The following TJAP1 variants were observed in gnomAD, a reference collection of about 807,000 sequenced individuals.
The protein encoded by TJAP1 is tight junction associated protein 1, also known as tight junction-associated protein 1.
In TJAP1, 27 loss-of-function variants were observed where a neutral mutation model predicts 42.0. The ratio of observed to expected loss-of-function variants is 0.64; its 90% CI spans 0.47 to 0.89. The LOEUF (loss-of-function observed/expected upper bound fraction) is 0.89, where lower values mean the gene tolerates loss of function less well. Among genes scored for constraint, TJAP1 ranks in the 40% least tolerant of loss-of-function variants. TJAP1 has a pLI of 0.00. For synonymous variants in TJAP1, 257 were observed against 288.4 expected (o/e 0.89, Z 1.10); for missense variants, 712 against 726.9 (o/e 0.98, Z 0.24).
chr6:43,488,695 G>A (rs1011573409), intron 2 of TJAP1, among the ~76,000 whole-genome samples: 1 of 152,204 alleles, frequency 6.6e-6, no homozygotes, highest in Non-Finnish European at 1.5e-5. Flanking sequence ...TTGTTTTCTT[G>A]TGGGTGAGGA....
rs1165474261 is a variant in TJAP1 at position 43,495,678 on chromosome 6, G to A, written c.-121-2203G>A. Among the ~76,000 whole-genome samples the A allele has an allele frequency of 6.6e-6, 1 of 152,166 alleles. No individual in the cohort carries two copies. The highest frequency in any genetic ancestry group is 1.9e-4 in the East Asian group (1 of 5,204). On this transcript the variant is annotated intron_variant, in intron 2 of 10. Transcript: ENST00000372449. The surrounding 1 kb of genome is among the most constrained non-coding windows in gnomAD (Gnocchi z 4.6). ...CATCACAACCACCCCCATCCCCAGA[G>A]AGTCTGTCTGCATTTACTGCCTGTC...
At chr6:43,487,561 C>G (rs1227699020) in intron 2 of TJAP1, among the ~76,000 whole-genome samples, 1 of 152,040 alleles carries the variant, frequency 6.6e-6, no homozygotes, top group Admixed American at 6.6e-5. Flanking sequence ...CTTTCTGACC[C>G]TCACAATGGG....
chr6:43,502,718 C>T (rs751176733), intron 8 of TJAP1, 101 bp downstream of exon 8: 10 of 1,288,798 alleles, frequency 7.8e-6, no homozygotes, highest in African/African-American at 1.5e-5. Context: ...CCCTTGAGTA[C>T]ACCCGCTCCT....
rs114992900 is a variant in TJAP1 at position 43,495,086 on chromosome 6, A to G, written c.-121-2795A>G. 7.7e-4 allele frequency among the ~76,000 whole-genome samples: 117 copies of G among 152,140 alleles called. No individual in the cohort carries two copies. The highest frequency in any genetic ancestry group is 1.4e-3 in the Non-Finnish European group (97 of 67,974). On this transcript the variant is annotated intron_variant, in intron 2 of 10. Coordinates refer to ENST00000372449, the Ensembl canonical transcript of TJAP1. This position sits in a 1 kb window ranked among gnomAD's most constrained non-coding sequence, Gnocchi z 4.6. Reference sequence around the variant, plus strand: ...TTGGGAGTCCTCCTTGGGCTGAAACACTCCAAGGCAACTTGGGAAACCTTT... The same window carrying G: ...TTGGGAGTCCTCCTTGGGCTGAAACGCTCCAAGGCAACTTGGGAAACCTTT...
At chr6:43,506,381 A>T (rs1792370536) in exon 11 of TJAP1, 1 of 152,702 alleles carries the variant, frequency 6.5e-6, no homozygotes, top group African/African-American at 2.4e-5. Flanking sequence ...GGGCCCCCTC[A>T]GCTGTCTCCT....
Position 43,492,071 on chromosome 6 carries a change from G to A in TJAP1, c.-121-5810G>A, listed in dbSNP as rs556081891. Among the ~76,000 whole-genome samples, 5 of 152,262 alleles carry A rather than the reference G, an allele frequency of 3.3e-5. No individual in the cohort carries two copies. The highest frequency in any genetic ancestry group is 3.3e-4 in the Admixed American group (5 of 15,290). On this transcript the variant is annotated intron_variant, in intron 2 of 10. Coordinates refer to ENST00000372449, the Ensembl canonical transcript of TJAP1. The surrounding 1 kb of genome is among the most constrained non-coding windows in gnomAD (Gnocchi z 4.2). ...TCTTGCCCTCTTTTTTTGCAGGGAG[G>A]GGTTGGTTTGCCTGGCTCTTTAGCC...
At chr6:43,487,920 A>C (rs1219985832) in intron 2 of TJAP1, among the ~76,000 whole-genome samples, 3 of 144,604 alleles carry the variant, frequency 2.1e-5, no homozygotes, top group African/African-American at 8.0e-5. Flanking sequence ...CCCAGGCTGG[A>C]GTGCAATGGT....
intron 2 of TJAP1, among the ~76,000 whole-genome samples, chr6:43,487,926 A>G (rs113161348): frequency 0.057 from 8,517 of 149,720 alleles, 286 homozygotes; most frequent in South Asian, 0.1. Context: ...CTGGAGTGCA[A>G]TGGTGCCATC....
chr6:43,482,382 C>T (rs917520541), intron 2 of TJAP1, among the ~76,000 whole-genome samples: 7 of 152,150 alleles, frequency 4.6e-5, no homozygotes, highest in African/African-American at 1.2e-4. Context: ...TGAATGCCAA[C>T]GACCTCTGGG....
intron 2 of TJAP1, among the ~76,000 whole-genome samples, chr6:43,494,175 G>A (rs373942043): frequency 1.3e-5 from 2 of 152,172 alleles, no homozygotes; most frequent in Non-Finnish European, 2.9e-5. Flanking sequence ...TGCACCGACT[G>A]GCAAATTGCA....
At chr6:43,482,810 T>A (rs1254611821) in intron 2 of TJAP1, among the ~76,000 whole-genome samples, 1 of 152,188 alleles carries the variant, frequency 6.6e-6, no homozygotes, top group Non-Finnish European at 1.5e-5. Context: ...CATGGTGCTG[T>A]CAAAATTATT....
intron 2 of TJAP1, among the ~76,000 whole-genome samples, chr6:43,484,085 A>AC (rs1426961138): frequency 1.3e-5 from 2 of 152,074 alleles, no homozygotes; most frequent in East Asian, 3.9e-4. Flanking sequence ...TTAAAAACAA[A>AC]AAAAAAAATA....
chr6:43,488,191 C>A (rs114811449), intron 2 of TJAP1, among the ~76,000 whole-genome samples: 8 of 152,088 alleles, frequency 5.3e-5, no homozygotes, highest in African/African-American at 1.9e-4. Context: ...TTTTTTTATA[C>A]GTCTAGACAT....
At chr6:43,490,169 C>T (rs77781883) in intron 2 of TJAP1, among the ~76,000 whole-genome samples, 2,812 of 152,330 alleles carry the variant, frequency 0.018, 35 homozygotes, top group South Asian at 0.039. Flanking sequence ...CTTACTACTG[C>T]GTCCCTCTAT....
At chr6:43,499,636 A>G (rs916217213) in intron 4 of TJAP1, among the ~76,000 whole-genome samples, 3 of 152,330 alleles carry the variant, frequency 2.0e-5, no homozygotes, top group Admixed American at 1.3e-4. Context: ...TTCGGGGCCT[A>G]TAGTCAGCTG....
rs1299058371 is a variant in TJAP1, at chr6:43,493,762, T to G, written c.-121-4119T>G. 6.6e-5 allele frequency among the ~76,000 whole-genome samples: 10 copies of G among 152,162 alleles called. No individual in the cohort carries two copies. The East Asian group carries it at 1.9e-3, about 29-fold the overall frequency. The stretch of plus-strand genomic sequence containing the variant: ...GCTTGCTGGGAACGGTAAGATAGTA[T>G]ATTGGGGAGCAGCAGGATTCTGAAG... On this transcript the variant is annotated intron_variant, in intron 2 of 10. Transcript: ENST00000372449.
chr6:43,489,025 G>A (rs1395897104), intron 2 of TJAP1, among the ~76,000 whole-genome samples: 1 of 152,180 alleles, frequency 6.6e-6, no homozygotes, highest in African/African-American at 2.4e-5. Context: ...ACAGGAGAGA[G>A]GACCCCTCTC....
chr6:43,491,751 A>T lies in TJAP1; in HGVS notation c.-121-6130A>T, dbSNP rs963067809. Among the ~76,000 whole-genome samples the T allele has an allele frequency of 6.6e-6, 1 of 152,256 alleles. No individual in the cohort carries two copies. The highest frequency in any genetic ancestry group is 2.4e-5 in the African/African-American group (1 of 41,454). ...ATGATAGTTGATTAAGGAATAAACAATACCTATTTATATGCATGTGGATTG... is the reference window on the plus strand; with the variant it reads ...ATGATAGTTGATTAAGGAATAAACATTACCTATTTATATGCATGTGGATTG... On this transcript the variant is annotated intron_variant, in intron 2 of 10. Coordinates refer to ENST00000372449, the Ensembl canonical transcript of TJAP1. The surrounding 1 kb of genome is among the most constrained non-coding windows in gnomAD (Gnocchi z 4.6).
At chr6:43,502,656 CCTT>C (rs2127635285) in intron 8 of TJAP1, 39 bp downstream of exon 8, 1 of 1,550,644 alleles carries the variant, frequency 6.4e-7, no homozygotes, top group Non-Finnish European at 8.7e-7. Flanking sequence ...CTTGCCCTGG[CCTT>C]CTCCTCAGCT....
Sources: gnomAD v4.1 joint callset for allele counts (sites outside exome capture counted in the v4.1 genomes callset) on GRCh38, gnomAD v4.1.1 for gene constraint, Gnocchi (gnomAD v3.1) non-coding constraint, MANE v1.5 for transcripts, NCBI Gene and HGNC (gene_info 2026-07-23, HGNC 2026-07-21) for gene names.